STPG2: variants seen among roughly 807,000 people sequenced by gnomAD.
The protein encoded by STPG2 is sperm-tail PG-rich repeat-containing protein 2.
A neutral mutation model predicts 54.2 loss-of-function variants in STPG2; 56 were observed. The observed-to-expected ratio is 1.03, with a 90% CI of 0.83 to 1.29. The LOEUF is 1.29. STPG2 is among the 50% of genes most tolerant of loss of function. The probability of loss-of-function intolerance (pLI) is 0.00; values close to 1 mark genes in which losing one functional copy is unlikely to be tolerated. For synonymous variants in STPG2, 200 were observed against 181.8 expected, an observed-to-expected ratio of 1.10 and a Z score of -0.81; for missense variants, 596 against 544.9, an observed-to-expected ratio of 1.09 and a Z score of -0.93.
chr4:97,969,591 G>C (rs1734248583), intron 7 of STPG2, among the ~76,000 whole-genome samples: 1 of 152,120 alleles, frequency 6.6e-6, no homozygotes, highest in Non-Finnish European at 1.5e-5. Context: ...TTGCATTGCG[G>C]GCTGCTGGCC....
chr4:97,793,529 A>T (rs1426568890), intron 9 of STPG2, among the ~76,000 whole-genome samples: 1 of 152,084 alleles, frequency 6.6e-6, no homozygotes, highest in Non-Finnish European at 1.5e-5. Context: ...TGAATGAATG[A>T]GTGAATAAGA....
At chr4:97,588,504 CT>C (rs1733055312) in intron 10 of STPG2, among the ~76,000 whole-genome samples, 1 of 151,890 alleles carries the variant, frequency 6.6e-6, no homozygotes, top group African/African-American at 2.4e-5. Context: ...GATATTCTAC[CT>C]TTATTACAAA....
chr4:97,977,494 G>T (rs1429267663), intron 6 of STPG2, among the ~76,000 whole-genome samples: 2 of 152,044 alleles, frequency 1.3e-5, no homozygotes, highest in Admixed American at 1.3e-4. Context: ...TGACCCTTTT[G>T]ATTATTTCAA....
intron 9 of STPG2, among the ~76,000 whole-genome samples, chr4:97,832,141 T>G (rs1199499829): frequency 1.3e-5 from 2 of 152,150 alleles, no homozygotes; most frequent in Admixed American, 6.6e-5. Context: ...GTAAACTGAA[T>G]CCAGAAGCAC....
At chr4:97,939,572 C>A (rs1732897778) in intron 8 of STPG2, among the ~76,000 whole-genome samples, 1 of 152,112 alleles carries the variant, frequency 6.6e-6, no homozygotes, top group Non-Finnish European at 1.5e-5. Context: ...TTTGTCATTT[C>A]TGATCTTTGC....
intron 4 of STPG2, among the ~76,000 whole-genome samples, chr4:97,475,901 G>A (rs1015178005): frequency 1.3e-5 from 2 of 152,036 alleles, no homozygotes; most frequent in Admixed American, 6.6e-5. Flanking sequence ...GCTCATTCCT[G>A]TGTGATTTTG....
In STPG2 at chr4:98,070,679, A is replaced by C. The variant is rs141597231; in HGVS notation, c.612+35274T>G. On this transcript the variant is annotated intron_variant, in intron 5 of 10. Transcript: ENST00000295268. Reference sequence around the variant, plus strand: ...CTTCAACAAAGTCTCAGGATACAAAATCAATGTGCAAAATTCACTAGCATT... The same window carrying C: ...CTTCAACAAAGTCTCAGGATACAAACTCAATGTGCAAAATTCACTAGCATT... Among the ~76,000 whole-genome samples the C allele has an allele frequency of 3.4e-3, 525 of 152,188 alleles. 5 individuals carry two copies. Among genetic ancestry groups the C allele is most frequent in the African/African-American group, 0.012 (506 of 41,470 alleles).
intron 3 of STPG2, among the ~76,000 whole-genome samples, chr4:98,126,607 T>A (rs2110160640): frequency 6.6e-6 from 1 of 152,288 alleles, no homozygotes; most frequent in African/African-American, 2.4e-5. Flanking sequence ...TGAGAGAACC[T>A]GGATACCTTA....
intron 8 of STPG2, among the ~76,000 whole-genome samples, chr4:97,854,942 C>T (rs906024248): frequency 5.3e-5 from 8 of 152,172 alleles, no homozygotes; most frequent in Admixed American, 5.2e-4. Flanking sequence ...GTGTTGTTCT[C>T]CACCATGTGT....
chr4:97,925,456 C>T (rs1478023579), intron 8 of STPG2, among the ~76,000 whole-genome samples: 4 of 152,218 alleles, frequency 2.6e-5, no homozygotes, highest in Non-Finnish European at 5.9e-5. Flanking sequence ...GACCAATTCA[C>T]TCTTCAGTGT....
chr4:97,908,246 CA>C (rs1290590687), intron 8 of STPG2, among the ~76,000 whole-genome samples: 1 of 151,942 alleles, frequency 6.6e-6, no homozygotes, highest in Non-Finnish European at 1.5e-5. Flanking sequence ...TTTATGCAGC[CA>C]AAAAACACAT....
chr4:97,699,057 C>T (rs764879005), intron 10 of STPG2, among the ~76,000 whole-genome samples: 1 of 152,148 alleles, frequency 6.6e-6, no homozygotes. Context: ...AAACCTCTGC[C>T]CTTTCAGAAG....
intron 9 of STPG2, among the ~76,000 whole-genome samples, chr4:97,827,807 C>G (rs1728308373): frequency 6.6e-6 from 1 of 152,026 alleles, no homozygotes; most frequent in African/African-American, 2.4e-5. Context: ...AATAAAAGAC[C>G]CTTAAGAAAA....
At chr4:97,639,825 T>A (rs1721704436) in intron 10 of STPG2, among the ~76,000 whole-genome samples, 2 of 151,938 alleles carry the variant, frequency 1.3e-5, no homozygotes, top group South Asian at 4.1e-4. Context: ...AATATGATGA[T>A]GATAATAATA....
At chr4:97,598,352 T>A (rs1733356030) in intron 10 of STPG2, among the ~76,000 whole-genome samples, 2 of 151,346 alleles carry the variant, frequency 1.3e-5, no homozygotes, top group African/African-American at 4.9e-5. Flanking sequence ...AAACTACCAA[T>A]GACATTCTTC....
At chr4:97,496,097 T>C (rs1488206678) in intron 4 of STPG2, among the ~76,000 whole-genome samples, 1 of 151,698 alleles carries the variant, frequency 6.6e-6, no homozygotes, top group African/African-American at 2.4e-5. Flanking sequence ...AACACTTTAA[T>C]AAAGGCAAAA....
At chr4:97,450,382 C>T (rs1305408667) in intron 4 of STPG2, among the ~76,000 whole-genome samples, 3 of 151,990 alleles carry the variant, frequency 2.0e-5, no homozygotes, top group Non-Finnish European at 4.4e-5. Context: ...CCAGGTCTCA[C>T]AAAATCTATT....
chr4:97,936,971 T>C (rs1354747255), intron 8 of STPG2, among the ~76,000 whole-genome samples: 1 of 152,176 alleles, frequency 6.6e-6, no homozygotes, highest in Non-Finnish European at 1.5e-5. Context: ...CTGAACTGTG[T>C]TTTTCAACTT....
In STPG2 at chr4:97,538,601, A is replaced by C. The variant is rs568774428; in HGVS notation, c.462+174098T>G. Reference sequence around the variant, plus strand: ...TGAAAGTGATGGGGAGAATGGAGCCAAGTTGGAAAACACTCTACAGCATAT... The same window carrying C: ...TGAAAGTGATGGGGAGAATGGAGCCCAGTTGGAAAACACTCTACAGCATAT... On this transcript the variant is annotated intron_variant, in intron 4 of 4. Transcript: ENST00000522676. 6.6e-5 allele frequency among the ~76,000 whole-genome samples: 10 copies of C among 152,360 alleles called. No individual in the cohort carries two copies. The South Asian group carries it at 2.1e-3, about 32-fold the overall frequency.
Sources: gnomAD v4.1 joint callset for allele counts (sites outside exome capture counted in the v4.1 genomes callset) on GRCh38, gnomAD v4.1.1 for gene constraint, MANE v1.5 for transcripts, NCBI Gene and HGNC (gene_info 2026-07-23, HGNC 2026-07-21) for gene names.